KIF4A: variants seen among roughly 807,000 people sequenced by gnomAD.
The protein encoded by KIF4A is kinesin family member 4A, also known as chromosome-associated kinesin KIF4A.
Under a neutral mutation model 105.9 loss-of-function variants are expected in KIF4A, and 7 were observed. The observed-to-expected ratio is 0.07, with a 90% confidence interval of 0.04 to 0.12. KIF4A has a LOEUF of 0.12. Among genes scored for constraint, KIF4A ranks in the 10% least tolerant of loss-of-function variants. KIF4A has a pLI of 1.00. For synonymous variants in KIF4A, 281 were observed against 331.3 expected (o/e 0.85, Z 1.65); for missense variants, 558 against 929.2 (o/e 0.60, Z 5.19).
intron 15 of KIF4A, among the ~76,000 whole-genome samples, chrX:70,366,627 A>T (rs1397118571): frequency 8.9e-6 from 1 of 111,848 alleles, no homozygotes; most frequent in African/African-American, 3.3e-5. Flanking sequence ...GTTTGTTATA[A>T]TTTCTGTTCT....
chrX:70,355,817 C>T (rs1451676244), intron 15 of KIF4A, among the ~76,000 whole-genome samples: 2 of 111,434 alleles, frequency 1.8e-5, no homozygotes, highest in Non-Finnish European at 3.8e-5. Flanking sequence ...CAGGACCCTA[C>T]AACAAGTACT....
intron 15 of KIF4A, 74 bp from the exon 16 acceptor site, chrX:70,374,077 C>A: frequency 1.8e-6 from 1 of 557,658 alleles, no homozygotes; most frequent in Non-Finnish European, 2.9e-6. Flanking sequence ...TTCCTTGAGA[C>A]ATGGAATGCT....
chrX:70,372,320 G>A (rs1266297896), intron 15 of KIF4A, among the ~76,000 whole-genome samples: 2 of 112,645 alleles, frequency 1.8e-5, no homozygotes, highest in Non-Finnish European at 3.8e-5. Flanking sequence ...GTAGCGAGCC[G>A]AGATCACGCC....
chrX:70,377,012 A>G (rs1029568210), intron 18 of KIF4A, among the ~76,000 whole-genome samples: 4 of 111,704 alleles, frequency 3.6e-5, no homozygotes, highest in African/African-American at 1.3e-4. Flanking sequence ...ACTGACAGAA[A>G]TGGAGAGAGA....
chrX:70,386,468 C>T (rs1359748278), intron 18 of KIF4A, 150 bp from the exon 19 acceptor site: 5 of 430,379 alleles, frequency 1.2e-5, no homozygotes, highest in African/African-American at 7.4e-5. Context: ...TCTAGAACTA[C>T]GAGTTTTTGA....
chrX:70,325,865 A>G (rs2085909171), intron 7 of KIF4A, among the ~76,000 whole-genome samples: 1 of 111,082 alleles, frequency 9.0e-6, no homozygotes, highest in Non-Finnish European at 1.9e-5. Flanking sequence ...TTTACAAATC[A>G]CATTTGATTT....
chrX:70,363,889 C>A (rs1183978747), intron 15 of KIF4A, among the ~76,000 whole-genome samples: 6 of 112,005 alleles, frequency 5.4e-5, no homozygotes, highest in African/African-American at 1.9e-4. Context: ...TTCTCCACAT[C>A]CTCTCCAGTA....
intron 7 of KIF4A, among the ~76,000 whole-genome samples, chrX:70,327,098 T>C (rs1331518185): frequency 9.0e-6 from 1 of 111,576 alleles, no homozygotes; most frequent in African/African-American, 3.3e-5. Context: ...GCACAATGTT[T>C]TGTTTGGCTA....
intron 15 of KIF4A, among the ~76,000 whole-genome samples, chrX:70,363,536 T>C (rs893518972): frequency 1.8e-5 from 2 of 111,381 alleles, no homozygotes; most frequent in Non-Finnish European, 3.8e-5. Flanking sequence ...AGAATGATGG[T>C]TTCCAGCTTC....
chrX:70,358,291 TC>T (rs1228190222), intron 15 of KIF4A, among the ~76,000 whole-genome samples: 1 of 111,136 alleles, frequency 9.0e-6, no homozygotes, highest in African/African-American at 3.3e-5. Flanking sequence ...GCGGTTTTTT[TC>T]CTATCATTTC....
At position 70,304,546 on chromosome X, in the gene KIF4A, A is replaced by G. The variant is rs779418751; in HGVS notation, c.778+2148A>G. Among the ~76,000 whole-genome samples the G allele has an allele frequency of 3.0e-3, 327 of 109,787 alleles. 2 individuals are homozygous for G. The highest frequency in any genetic ancestry group is 9.9e-3 in the African/African-American group (299 of 30,164). On this transcript the variant is annotated intron_variant, in intron 7 of 30. Transcript: ENST00000374403. ...TTCCACAATGGTTGAACTAGTTTAC[A>G]TTTCATATAAATGTAATCATACAAT...
chrX:70,343,727 A>G lies in KIF4A; in HGVS notation c.1291A>G (p.Asn431Asp). The G allele has an allele frequency of 2.5e-6, 3 of 1,211,840 alleles. No individual in the cohort carries two copies. The highest frequency in any genetic ancestry group is 3.4e-6 in the Non-Finnish European group (3 of 895,494). ...ILTEQANEKM[N>D]AKLEELRQHA... Reference sequence around the variant, plus strand: ...GACAGAGCAAGCGAATGAAAAAATGAACGCCAAGCTAGAAGAGCTCAGGCA... The same window carrying G: ...GACAGAGCAAGCGAATGAAAAAATGGACGCCAAGCTAGAAGAGCTCAGGCA... The change falls in exon 12 of 31, where the codon AAC (asparagine) becomes GAC (aspartate). Residue 431 changes from asparagine to aspartate, a missense_variant. Physicochemically the swap from Asn to Asp is conservative, Grantham distance 23. Transcript: ENST00000374403.
chrX:70,372,776 G>A lies in KIF4A; in HGVS notation c.1675-1375G>A, dbSNP rs141160889. Among the ~76,000 whole-genome samples, 561 of 112,986 alleles carry A rather than the reference G, an allele frequency of 5.0e-3. 2 individuals carry two copies. The highest frequency in any genetic ancestry group is 8.5e-3 in the Non-Finnish European group (454 of 53,317). On this transcript the variant is annotated intron_variant, in intron 15 of 30. Transcript: ENST00000374403. ...ATAAGTTTGAAAGTTCTGAATATAA[G>A]AATATTTGTGCAGCTCTTTACAGTT...
At chrX:70,382,396 A>C (rs1185186762) in intron 18 of KIF4A, among the ~76,000 whole-genome samples, 1 of 112,310 alleles carries the variant, frequency 8.9e-6, no homozygotes, top group Non-Finnish European at 1.9e-5. Flanking sequence ...ACGCCCCTGC[A>C]CTCCAGCCTG....
At chrX:70,378,773 A>G (rs1435728595) in intron 18 of KIF4A, among the ~76,000 whole-genome samples, 1 of 110,427 alleles carries the variant, frequency 9.1e-6, no homozygotes, top group Non-Finnish European at 1.9e-5. Flanking sequence ...TATGAAATAG[A>G]AAAAAACGGG....
chrX:70,376,095 T>C lies in KIF4A; in HGVS notation c.1924-5T>C. ...TAATACTTTTGCTGGTTTTTGTTTT[T>C]ATAGATGATGAAAAACCAGCGGGTA... On this transcript the variant is annotated splice_polypyrimidine_tract_variant and splice_region_variant and intron_variant, in intron 17 of 30. Coordinates refer to ENST00000374403, the MANE Select transcript of KIF4A (RefSeq NM_012310.5). 1.7e-6 allele frequency: 2 copies of C among 1,182,336 alleles called. No homozygotes were observed. The highest frequency in any genetic ancestry group is 2.3e-6 in the Non-Finnish European group (2 of 871,744).
chrX:70,354,879 G>A (rs988438100), intron 15 of KIF4A, among the ~76,000 whole-genome samples: 2 of 112,306 alleles, frequency 1.8e-5, no homozygotes, highest in African/African-American at 6.5e-5. Context: ...GAGGAGGAAG[G>A]ACAGCTTCTG....
At chrX:70,303,199 G>A (rs985222738) in intron 7 of KIF4A, among the ~76,000 whole-genome samples, 1 of 111,833 alleles carries the variant, frequency 8.9e-6, no homozygotes, top group African/African-American at 3.2e-5. Context: ...CAAACCCACT[G>A]TTTGGTAATT....
At position 70,330,230 on chromosome X, in the gene KIF4A, A is replaced by G. The variant is rs5936873; in HGVS notation, c.969A>G (p.Thr323=). The part of the protein sequence containing the change: ...VSPADSNLEE[T]LNTLRYADRA... ...CTGCTGACTCCAATCTAGAGGAAACATTAAATACCCTTCGCTATGCTGACA... is the reference window on the plus strand; with the variant it reads ...CTGCTGACTCCAATCTAGAGGAAACGTTAAATACCCTTCGCTATGCTGACA... Residue 323 remains threonine (T), a synonymous_variant, in exon 9 of 31, where the codon ACA becomes ACG. Coordinates refer to ENST00000374403, the MANE Select transcript of KIF4A (RefSeq NM_012310.5). 0.023 allele frequency: 27,229 copies of G among 1,209,497 alleles called. 944 individuals carry two copies. The East Asian group carries it at 0.24, about 10-fold the overall frequency.
Sources: gnomAD v4.1 joint callset for allele counts (sites outside exome capture counted in the v4.1 genomes callset) on GRCh38, gnomAD v4.1.1 for gene constraint, MANE v1.5 for transcripts, NCBI Gene and HGNC (gene_info 2026-07-23, HGNC 2026-07-21) for gene names.